Variants in WDPCP observed in about 807,000 individuals in gnomAD.
WDPCP encodes WD repeat containing planar cell polarity effector.
In WDPCP, 71 loss-of-function variants were observed where a neutral mutation model predicts 93.1. The ratio of observed to expected loss-of-function variants is 0.76; its 90% CI spans 0.63 to 0.93. The LOEUF (loss-of-function observed/expected upper bound fraction) is 0.93, where lower values mean the gene tolerates loss of function less well. Among genes scored for constraint, WDPCP ranks in the 40% least tolerant of loss-of-function variants. WDPCP has a pLI of 0.00. For synonymous variants in WDPCP, 315 were observed against 315.0 expected (o/e 1.00, Z 0.00); for missense variants, 844 against 887.4 (o/e 0.95, Z 0.62).
chr2:63,376,796 A>G (rs965448464), intron 12 of WDPCP, among the ~76,000 whole-genome samples: 1 of 151,954 alleles, frequency 6.6e-6, no homozygotes, highest in Non-Finnish European at 1.5e-5. Flanking sequence ...AAAAGGCAAG[A>G]TTCAATTACA....
intron 3 of WDPCP, among the ~76,000 whole-genome samples, chr2:63,648,855 A>G (rs1200865701): frequency 6.6e-6 from 1 of 152,186 alleles, no homozygotes; most frequent in Non-Finnish European, 1.5e-5. Flanking sequence ...ATCAAAGATC[A>G]ACTTAGTGTT....
At chr2:63,461,581 A>C (rs919165085) in intron 6 of WDPCP, among the ~76,000 whole-genome samples, 1 of 152,158 alleles carries the variant, frequency 6.6e-6, no homozygotes, top group East Asian at 1.9e-4. Flanking sequence ...GAACGGCCTA[A>C]TACACCTGGT....
intron 12 of WDPCP, among the ~76,000 whole-genome samples, chr2:63,318,292 A>G (rs1467309847): frequency 6.6e-6 from 1 of 152,236 alleles, no homozygotes; most frequent in South Asian, 2.1e-4. Flanking sequence ...GTGCAGAGAA[A>G]AAAGAACACT....
chr2:63,705,755 G>C (rs963585845), intron 2 of WDPCP, among the ~76,000 whole-genome samples: 1 of 144,962 alleles, frequency 6.9e-6, no homozygotes, highest in Non-Finnish European at 1.6e-5. Context: ...ATGTGATGCT[G>C]AGAAGAATGT....
At chr2:63,385,064 GA>G (rs1288797315) in intron 10 of WDPCP, among the ~76,000 whole-genome samples, 1 of 151,872 alleles carries the variant, frequency 6.6e-6, no homozygotes, top group Admixed American at 6.6e-5. Context: ...AGAAAAAAGA[GA>G]AAAAACCTAT....
intron 3 of WDPCP, among the ~76,000 whole-genome samples, chr2:63,620,419 G>A (rs2106633901): frequency 6.6e-6 from 1 of 152,316 alleles, no homozygotes; most frequent in South Asian, 2.1e-4. Flanking sequence ...AGTTCGAACT[G>A]AGTAGAGCCC....
At chr2:63,827,560 T>G (rs1671132664) in intron 1 of WDPCP, 1 of 152,214 alleles carries the variant, frequency 6.6e-6, no homozygotes, top group South Asian at 2.1e-4. Context: ...TCATTTCATT[T>G]GCATAAGACA....
chr2:63,408,517 C>T (rs1694774122), intron 9 of WDPCP, among the ~76,000 whole-genome samples: 1 of 152,154 alleles, frequency 6.6e-6, no homozygotes, highest in African/African-American at 2.4e-5. Context: ...ACGGGTAAAA[C>T]TCCACAGGGA....
intron 12 of WDPCP, among the ~76,000 whole-genome samples, chr2:63,353,463 C>T (rs778513033): frequency 2.6e-5 from 4 of 152,168 alleles, no homozygotes; most frequent in Non-Finnish European, 5.9e-5. Flanking sequence ...AGTAGCATTG[C>T]ACCTCCCTGA....
intron 14 of WDPCP, among the ~76,000 whole-genome samples, chr2:63,218,394 T>C (rs1677530426): frequency 6.6e-6 from 1 of 152,200 alleles, no homozygotes; most frequent in African/African-American, 2.4e-5. Context: ...TTATTTCAGT[T>C]CAGAACTGTA....
intron 13 of WDPCP, among the ~76,000 whole-genome samples, chr2:63,296,768 A>G (rs913823614): frequency 3.3e-5 from 5 of 151,976 alleles, no homozygotes; most frequent in Non-Finnish European, 5.9e-5. Context: ...GAGAACCACA[A>G]ATGCTGATAA....
At chr2:63,540,590 T>A (rs1704632889) in intron 1 of WDPCP, among the ~76,000 whole-genome samples, 1 of 152,018 alleles carries the variant, frequency 6.6e-6, no homozygotes, top group Non-Finnish European at 1.5e-5. Flanking sequence ...CTGTTTTATA[T>A]TATATGTGTT....
At position 63,264,436 on chromosome 2, in the gene WDPCP, G is replaced by A. The variant is rs184543733; in HGVS notation, c.1813-5027C>T. On this transcript the variant is annotated intron_variant, in intron 13 of 17. Coordinates refer to ENST00000272321, the MANE Select transcript of WDPCP (RefSeq NM_015910.7). ...GGGTGGATCACAAGGTCAGGAGATC[G>A]AGACCATCCTGGCTAACACAGTGAA... Among the ~76,000 whole-genome samples, 26 of 152,282 alleles carry A rather than the reference G, an allele frequency of 1.7e-4. No homozygotes were observed. In the East Asian group the frequency reaches 4.1e-3, roughly 24 times the overall value.
chr2:63,338,558 AAAAAAAAAAAAATATATATATATATAT>A (rs1178846035), intron 12 of WDPCP, among the ~76,000 whole-genome samples: 1 of 21,122 alleles, frequency 4.7e-5, no homozygotes, highest in African/African-American at 4.6e-4. Context: ...ATCTAAAAAA[AAAAAAAAAAAAATATATATATATATAT>A]ATATATATAT....
At chr2:63,405,045 G>C (rs1694461297) in intron 9 of WDPCP, among the ~76,000 whole-genome samples, 1 of 152,100 alleles carries the variant, frequency 6.6e-6, no homozygotes, top group Admixed American at 6.6e-5. Flanking sequence ...ATCTTAAAAA[G>C]TTAAAAAGAA....
chr2:63,570,439 T>C (rs772066426), intron 1 of WDPCP, among the ~76,000 whole-genome samples: 3 of 152,212 alleles, frequency 2.0e-5, no homozygotes, highest in Non-Finnish European at 2.9e-5. Context: ...TTAGCTTTCC[T>C]ACTCTAGGCT....
At chr2:63,343,879 A>G (rs754411896) in intron 12 of WDPCP, among the ~76,000 whole-genome samples, 6 of 151,926 alleles carry the variant, frequency 3.9e-5, no homozygotes, top group Admixed American at 1.3e-4. Flanking sequence ...TATAATTTCT[A>G]TCTCTTCATT....
chr2:63,622,083 TTGGA>T, intron 3 of WDPCP: 2 of 1,010,302 alleles, frequency 2.0e-6, no homozygotes, highest in Non-Finnish European at 1.3e-6. Context: ...TTTTTTTTTT[TTGGA>T]AGTTGATTTT....
Position 63,643,388 on chromosome 2 carries a change from TGGAAAGGTGG to T in WDPCP, n.488+7261_488+7270del, listed in dbSNP as rs947874607. ...TTGCTCTTGCCAATAACAAAAATGT[TGGAAAGGTGG>T]GTGACAAATCTGTTGCCACTGGCAT... On this transcript the variant is annotated intron_variant and non_coding_transcript_variant, in intron 3 of 4. Coordinates refer to the WDPCP transcript ENST00000467687. 1.7e-5 allele frequency: 6 copies of T among 352,974 alleles called. No individual in the cohort carries two copies. The Admixed American group carries it at 2.1e-4, about 12-fold the overall frequency. The allele number at this position is 352,974 out of a possible 1,614,324, so 21.9% of individuals were successfully genotyped here.
Sources: gnomAD v4.1 joint callset for allele counts (sites outside exome capture counted in the v4.1 genomes callset) on GRCh38, gnomAD v4.1.1 for gene constraint, MANE v1.5 for transcripts, NCBI Gene and HGNC (gene_info 2026-07-23, HGNC 2026-07-21) for gene names.